The following ATP2C2 variants were observed in gnomAD, a reference collection of about 807,000 sequenced individuals.
The protein encoded by ATP2C2 is calcium-transporting ATPase type 2C member 2.
In ATP2C2, 171 loss-of-function variants were observed where a neutral mutation model predicts 110.8. That is an observed-to-expected ratio of 1.54 (90% CI 1.36 to 1.75). The LOEUF is 1.75. ATP2C2 is among the 40% of genes most tolerant of loss of function. ATP2C2 has a pLI of 0.00. For synonymous variants in ATP2C2, 804 were observed against 508.4 expected, an observed-to-expected ratio of 1.58 and a Z score of -7.82; for missense variants, 1,963 against 1,235.0, an observed-to-expected ratio of 1.59 and a Z score of -8.84.
chr16:84,446,623 C>T (rs1474563129), intron 16 of ATP2C2, among the ~76,000 whole-genome samples, 193 bp downstream of exon 16: 3 of 152,180 alleles, frequency 2.0e-5, no homozygotes, highest in Non-Finnish European at 1.5e-5. Context: ...TTGTTTAAAA[C>T]AGAAGTTCTT....
intron 21 of ATP2C2, among the ~76,000 whole-genome samples, chr16:84,455,210 C>T (rs1304103120): frequency 2.6e-5 from 4 of 152,138 alleles, no homozygotes; most frequent in Admixed American, 6.5e-5. Context: ...TCACATGCTG[C>T]CCCCAGGGGA....
At chr16:84,410,469 A>G in intron 4 of ATP2C2, 99 bp from the exon 5 acceptor site, 1 of 1,361,580 alleles carries the variant, frequency 7.3e-7, no homozygotes, top group East Asian at 2.3e-5. Flanking sequence ...GCAAGAAGAA[A>G]GGAAATCAAT....
intron 17 of ATP2C2, 110 bp downstream of exon 17, chr16:84,448,799 A>G (rs56097035): frequency 0.13 from 185,195 of 1,426,618 alleles, 13,459 homozygotes; most frequent in Non-Finnish European, 0.15. Context: ...CCAAGGAGTC[A>G]GGCAGCATGC....
rs377090539 is a variant in ATP2C2, at chr16:84,410,551, C to G, written c.418-17C>G. On this transcript the variant is annotated splice_polypyrimidine_tract_variant and intron_variant, in intron 4 of 26. Coordinates refer to ENST00000262429, the MANE Select transcript of ATP2C2 (RefSeq NM_014861.4). ...CTGAGCCTCTGGTACTGACACCCTC[C>G]TCCGTTTGCTGTCTAGGCAGTGCTT... The G allele has an allele frequency of 1.9e-6, 3 of 1,613,616 alleles. No individual in the cohort carries two copies. Among genetic ancestry groups the G allele is most frequent in the African/African-American group, 2.7e-5 (2 of 75,038 alleles).
chr16:84,423,319 T>C (rs1259273161), intron 10 of ATP2C2, 56 bp downstream of exon 10: 47 of 1,527,936 alleles, frequency 3.1e-5, no homozygotes, highest in Middle Eastern at 1.7e-4. Flanking sequence ...GGAGCCATCA[T>C]AGGGGGGTTG....
Position 84,423,215 on chromosome 16 carries a change from A to G in ATP2C2, c.871A>G (p.Met291Val). The G allele has an allele frequency of 6.2e-7, 1 of 1,614,164 alleles. No individual in the cohort carries two copies. Among genetic ancestry groups the G allele is most frequent in the Non-Finnish European group, 8.5e-7 (1 of 1,180,012 alleles). ...ETPKTPLQKS[M>V]DRLGKQLTLF... is the part of the protein sequence containing the mutation. Reference sequence around the variant, plus strand: ...ACCTAAAACTCCTTTGCAGAAAAGCATGGACAGGCTAGGAAAGCAACTGAC... The same window carrying G: ...ACCTAAAACTCCTTTGCAGAAAAGCGTGGACAGGCTAGGAAAGCAACTGAC... Residue 291 changes from methionine to valine, a missense_variant, in exon 10 of 27, where the codon ATG becomes GTG. By Grantham distance (21) the Met-to-Val change is conservative. Coordinates refer to ENST00000262429, the MANE Select transcript of ATP2C2 (RefSeq NM_014861.4).
intron 4 of ATP2C2, among the ~76,000 whole-genome samples, chr16:84,409,695 G>C (rs566460477): frequency 5.3e-5 from 8 of 152,126 alleles, no homozygotes; most frequent in African/African-American, 1.7e-4. Context: ...TAGAGATGAG[G>C]TTTCCCTGTG....
intron 11 of ATP2C2, among the ~76,000 whole-genome samples, chr16:84,427,605 T>C (rs929668977): frequency 6.6e-6 from 1 of 152,056 alleles, no homozygotes; most frequent in African/African-American, 2.4e-5. Context: ...AAATCCCAGC[T>C]ACTCGGGAGG....
At chr16:84,422,595 T>C (rs1028913707) in intron 8 of ATP2C2, 34 bp from the exon 9 acceptor site, 2 of 1,610,914 alleles carry the variant, frequency 1.2e-6, no homozygotes, top group African/African-American at 1.3e-5. Context: ...CTCCCAGCCC[T>C]TAGATTTCAT....
chr16:84,381,745 G>A (rs979526172), intron 1 of ATP2C2, among the ~76,000 whole-genome samples: 12 of 152,234 alleles, frequency 7.9e-5, no homozygotes, highest in South Asian at 2.1e-4. Flanking sequence ...TATTTAACCC[G>A]TTTCCTGCCG....
At chr16:84,408,567 T>A (rs1270750811) in intron 4 of ATP2C2, 73 bp downstream of exon 4, 3 of 1,233,252 alleles carry the variant, frequency 2.4e-6, no homozygotes, top group Admixed American at 4.4e-5. Context: ...TGTTATTGTA[T>A]ATAAAGAAAA....
chr16:84,455,070 A>AGG (rs3085209), intron 21 of ATP2C2, 86 bp downstream of exon 21: 300,615 of 1,170,578 alleles, frequency 0.26, 21,911 homozygotes, highest in South Asian at 0.44. Flanking sequence ...GTGGAGATAG[A>AGG]GGGGGGGGTC....
intron 6 of ATP2C2, among the ~76,000 whole-genome samples, chr16:84,412,355 CGTGTGTGCAT>C (rs1906407895): frequency 4.4e-5 from 4 of 91,434 alleles, no homozygotes; most frequent in Non-Finnish European, 5.0e-5. Flanking sequence ...TGTCTGCGTG[CGTGTGTGCAT>C]GTGTGTGTGC....
intron 11 of ATP2C2, among the ~76,000 whole-genome samples, chr16:84,435,341 C>G (rs1201311666): frequency 6.6e-6 from 1 of 152,208 alleles, no homozygotes; most frequent in Non-Finnish European, 1.5e-5. Flanking sequence ...TGTCTTAGCT[C>G]TGATGAAATG....
intron 11 of ATP2C2, among the ~76,000 whole-genome samples, chr16:84,429,379 C>G (rs1046757862): frequency 1.3e-5 from 2 of 152,152 alleles, no homozygotes; most frequent in Admixed American, 1.3e-4. Flanking sequence ...TCTTGAACTC[C>G]TGACCTCAGG....
Position 84,408,484 on chromosome 16 carries a change from G to A in ATP2C2, c.407G>A (p.Ser136Asn). The A allele has an allele frequency of 6.2e-7, 1 of 1,612,958 alleles. No homozygotes were observed. The highest frequency in any genetic ancestry group is 8.5e-7 in the Non-Finnish European group (1 of 1,179,898). The change falls in exon 4 of 27, where the codon AGC becomes AAC. Residue 136 changes from serine (S) to asparagine (N), a missense_variant. Ser to Asn is a conservative substitution (Grantham distance 46). Coordinates refer to ENST00000262429, the MANE Select transcript of ATP2C2 (RefSeq NM_014861.4). The stretch of plus-strand genomic sequence containing the variant: ...ACCAAGGAGTATGAGGACGCCGTCA[G>A]CATCGCCACGGTGAGTTCCCTGACA... ...VLTKEYEDAV[S>N]IATAVLVVVT...
At chr16:84,412,366 G>GTGTGCA (rs1439496143) in intron 6 of ATP2C2, among the ~76,000 whole-genome samples, 68 of 100,950 alleles carry the variant, frequency 6.7e-4, no homozygotes, top group African/African-American at 2.0e-3. Context: ...GTGTGTGCAT[G>GTGTGCA]TGTGTGTGCG....
rs369305687 is a variant in ATP2C2 at position 84,439,305 on chromosome 16, C to G, written c.1111+15C>G. On this transcript the variant is annotated intron_variant, in intron 12 of 26. Coordinates refer to ENST00000262429, the MANE Select transcript of ATP2C2 (RefSeq NM_014861.4). ...GGAGACTTTAGGTGAGGGACTCCAGCTGGTGGAATCCTTACACGTGGAATT... is the reference window on the plus strand; with the variant it reads ...GGAGACTTTAGGTGAGGGACTCCAGGTGGTGGAATCCTTACACGTGGAATT... 3.7e-6 allele frequency: 6 copies of G among 1,613,370 alleles called. No homozygotes were observed. Among genetic ancestry groups the G allele is most frequent in the Non-Finnish European group, 5.1e-6 (6 of 1,180,018 alleles).
chr16:84,387,257 C>A (rs191187801), intron 1 of ATP2C2, among the ~76,000 whole-genome samples: 41 of 152,254 alleles, frequency 2.7e-4, no homozygotes, highest in Non-Finnish European at 5.4e-4. Context: ...TGCGGTGGCT[C>A]GTGCCTGTAA....
Sources: allele counts gnomAD v4.1 joint callset (sites outside exome capture counted in the v4.1 genomes callset), GRCh38; gene constraint gnomAD v4.1.1; transcripts MANE v1.5; gene names NCBI Gene and HGNC (gene_info 2026-07-23, HGNC 2026-07-21).